The following CSMD1 variants were observed in gnomAD, a reference collection of about 807,000 sequenced individuals.
CSMD1 encodes the protein CUB and sushi domain-containing protein 1.
CSMD1 carries 213 observed loss-of-function variants against 417.5 expected under a neutral mutation model. The observed-to-expected ratio is 0.51, with a 90% CI of 0.46 to 0.57. CSMD1 has a LOEUF of 0.57. CSMD1 is among the 20% of genes least tolerant of loss of function. The probability of loss-of-function intolerance (pLI) is 0.00; values close to 1 mark genes in which losing one functional copy is unlikely to be tolerated. For missense variants in CSMD1, 6,923 were observed against 4,529.7 expected (o/e 1.53, Z -15.17); for synonymous variants, 2,862 against 1,736.8 (o/e 1.65, Z -16.11).
intron 3 of CSMD1, among the ~76,000 whole-genome samples, chr8:4,316,360 A>C (rs1417785231): frequency 6.6e-6 from 1 of 152,104 alleles, no homozygotes; most frequent in Non-Finnish European, 1.5e-5. Context: ...TTATGGTCTT[A>C]TACTCTGGGC....
rs1799899507 is a variant in CSMD1, at chr8:4,205,114, CAT to C, written c.416-173017_416-173016del. On this transcript the variant is annotated intron_variant, in intron 3 of 69. Transcript: ENST00000635120. The stretch of plus-strand genomic sequence containing the variant: ...TGCTTTAAAAAGAAACATGATTTAA[CAT>C]AAACACATTTATCTCAACTCTGTTG... Among the ~76,000 whole-genome samples, 6 of 152,232 alleles carry C rather than the reference CAT, an allele frequency of 3.9e-5. No homozygotes were observed. In the South Asian group the frequency reaches 1.0e-3, roughly 26 times the overall value.
At chr8:4,166,387 C>T (rs1003380903) in intron 3 of CSMD1, among the ~76,000 whole-genome samples, 1 of 152,022 alleles carries the variant, frequency 6.6e-6, no homozygotes, top group South Asian at 2.1e-4. Flanking sequence ...AAAGTTCCCA[C>T]AATTAAAGAT....
intron 8 of CSMD1, among the ~76,000 whole-genome samples, chr8:3,597,105 G>C (rs750903627): frequency 6.6e-6 from 1 of 152,172 alleles, no homozygotes; most frequent in Non-Finnish European, 1.5e-5. Flanking sequence ...CACTGAGCCT[G>C]CTGAGGCTCT....
chr8:4,961,932 T>C (rs953934999), intron 1 of CSMD1, among the ~76,000 whole-genome samples: 10 of 152,212 alleles, frequency 6.6e-5, no homozygotes, highest in Admixed American at 5.2e-4. Flanking sequence ...TATTCAGTTA[T>C]AACATTTGTT....
At chr8:3,427,800 A>G (rs764367106) in intron 12 of CSMD1, among the ~76,000 whole-genome samples, 10 of 152,250 alleles carry the variant, frequency 6.6e-5, no homozygotes, top group Non-Finnish European at 1.2e-4. Flanking sequence ...AGACTACTTT[A>G]AAAACCCTCT....
At chr8:3,159,450 G>C (rs1369205261) in intron 38 of CSMD1, among the ~76,000 whole-genome samples, 2 of 152,146 alleles carry the variant, frequency 1.3e-5, no homozygotes, top group Non-Finnish European at 2.9e-5. Context: ...TTTACTTTCA[G>C]CGTGTGATGT....
Position 4,368,865 on chromosome 8 carries a change from C to T in CSMD1, c.415+51088G>A, listed in dbSNP as rs1036210146. On this transcript the variant is annotated intron_variant, in intron 3 of 69. Coordinates refer to ENST00000635120, the MANE Select transcript of CSMD1 (RefSeq NM_033225.6). Reference sequence around the variant, plus strand: ...GGGTCTTCTTAAAATTAATCTATCTCACAGTCTATCAATCTTATTTAATCC... The same window carrying T: ...GGGTCTTCTTAAAATTAATCTATCTTACAGTCTATCAATCTTATTTAATCC... 2.0e-5 allele frequency among the ~76,000 whole-genome samples: 3 copies of T among 152,130 alleles called. No homozygotes were observed. In the East Asian group the frequency reaches 5.8e-4, roughly 29 times the overall value.
intron 1 of CSMD1, among the ~76,000 whole-genome samples, chr8:4,726,471 AC>A (rs1471074822): frequency 6.6e-6 from 1 of 152,032 alleles, no homozygotes; most frequent in Non-Finnish European, 1.5e-5. Context: ...AGTCTGCTTC[AC>A]TTTTTTTTAC....
chr8:4,331,708 T>A (rs926249938), intron 3 of CSMD1, among the ~76,000 whole-genome samples: 1 of 152,134 alleles, frequency 6.6e-6, no homozygotes, highest in African/African-American at 2.4e-5. Context: ...TTCCTTGTTT[T>A]CCTAAAGGCT....
chr8:3,837,017 C>G (rs1337053562), intron 5 of CSMD1, among the ~76,000 whole-genome samples: 1 of 151,714 alleles, frequency 6.6e-6, no homozygotes, highest in Non-Finnish European at 1.5e-5. Flanking sequence ...TGAAGTTACT[C>G]CCTTCTTGGT....
intron 25 of CSMD1, among the ~76,000 whole-genome samples, chr8:3,300,745 T>C (rs1173512712): frequency 6.6e-6 from 1 of 151,624 alleles, no homozygotes; most frequent in Non-Finnish European, 1.5e-5. Flanking sequence ...TCATTGGAGG[T>C]CAGGAGTTTG....
chr8:3,226,206 G>C (rs1424367254), intron 27 of CSMD1, among the ~76,000 whole-genome samples: 2 of 152,162 alleles, frequency 1.3e-5, no homozygotes, highest in Admixed American at 6.5e-5. Flanking sequence ...GCTTTTCAGA[G>C]TGTTTTGCAA....
intron 1 of CSMD1, among the ~76,000 whole-genome samples, chr8:4,821,730 G>A (rs981556122): frequency 1.3e-5 from 2 of 152,040 alleles, no homozygotes; most frequent in Non-Finnish European, 2.9e-5. Flanking sequence ...CAAAATGGAT[G>A]TTCTTGTGTT....
At chr8:4,230,410 T>A (rs1055563507) in intron 3 of CSMD1, among the ~76,000 whole-genome samples, 1 of 152,210 alleles carries the variant, frequency 6.6e-6, no homozygotes, top group South Asian at 2.1e-4. Flanking sequence ...ATCTTGTATA[T>A]AATCCAAGGT....
At chr8:4,155,180 C>T (rs1585439075) in intron 3 of CSMD1, among the ~76,000 whole-genome samples, 1 of 152,262 alleles carries the variant, frequency 6.6e-6, no homozygotes, top group East Asian at 1.9e-4. Flanking sequence ...ACATAATTTG[C>T]CCAGGATTGT....
chr8:4,561,011 G>A (rs1335900302), intron 2 of CSMD1, among the ~76,000 whole-genome samples: 1 of 152,168 alleles, frequency 6.6e-6, no homozygotes, highest in Admixed American at 6.5e-5. Context: ...TGCTTTGTGT[G>A]TAGTATATAT....
At chr8:4,406,102 T>C (rs1260846133) in intron 3 of CSMD1, among the ~76,000 whole-genome samples, 3 of 152,188 alleles carry the variant, frequency 2.0e-5, no homozygotes, top group South Asian at 4.1e-4. Context: ...CACTAATTCA[T>C]TTCACAGCGG....
intron 5 of CSMD1, among the ~76,000 whole-genome samples, chr8:3,966,606 T>C (rs1052204361): frequency 6.6e-6 from 1 of 152,128 alleles, no homozygotes; most frequent in Non-Finnish European, 1.5e-5. Flanking sequence ...CATGCACTAC[T>C]CATATTCATT....
chr8:3,842,911 T>G (rs1411478792), intron 5 of CSMD1, among the ~76,000 whole-genome samples: 1 of 152,140 alleles, frequency 6.6e-6, no homozygotes, highest in East Asian at 1.9e-4. Flanking sequence ...TATAAAATTT[T>G]AAAAACGCAC....
Sources: gnomAD v4.1 joint callset for allele counts (sites outside exome capture counted in the v4.1 genomes callset) on GRCh38, gnomAD v4.1.1 for gene constraint, MANE v1.5 for transcripts, NCBI Gene and HGNC (gene_info 2026-07-23, HGNC 2026-07-21) for gene names.